Variants in THAP5 observed in about 807,000 individuals in gnomAD.
THAP5 encodes THAP domain containing 5.
A neutral mutation model predicts 34.0 loss-of-function variants in THAP5; 26 were observed. The observed-to-expected ratio is 0.77, with a 90% CI of 0.56 to 1.06. The LOEUF is 1.06. Ranked by LOEUF, THAP5 falls within the 50% of genes least tolerant of loss-of-function variation. The probability of loss-of-function intolerance (pLI) is 0.00; values close to 1 mark genes in which losing one functional copy is unlikely to be tolerated. For missense variants in THAP5, 394 were observed against 452.8 expected, an observed-to-expected ratio of 0.87 and a Z score of 1.18; for synonymous variants, 125 against 153.0, an observed-to-expected ratio of 0.82 and a Z score of 1.35.
downstream of THAP5, among the ~76,000 whole-genome samples, chr7:108,554,153 C>G (rs1864371043): frequency 6.6e-6 from 1 of 152,056 alleles, no homozygotes; most frequent in African/African-American, 2.4e-5. Context: ...GACTTTCTAG[C>G]CTCTAGAACT....
the THAP5 span, among the ~76,000 whole-genome samples, chr7:108,543,799 A>C: frequency 3.3e-5 from 5 of 152,150 alleles, no homozygotes; most frequent in African/African-American, 1.2e-4. Context: ...TGGCATGCAA[A>C]ATTTTGTGGG....
chr7:108,553,212 A>AT (rs898325195), downstream of THAP5, among the ~76,000 whole-genome samples: 453 of 147,458 alleles, frequency 3.1e-3, 1 homozygote, highest in African/African-American at 9.3e-3. Context: ...GCTCTCTTAA[A>AT]TTTTTTTTTT....
At position 108,564,571 on chromosome 7, in the gene THAP5, A is replaced by G. The variant is rs775248402; in HGVS notation, c.808T>C (p.Ser270Pro). 40 of 1,613,776 alleles carry G rather than the reference A, an allele frequency of 2.5e-5. No homozygotes were observed. The highest frequency in any genetic ancestry group is 5.3e-5 in the African/African-American group (4 of 74,920). The change falls in exon 3 of 3, where the codon TCT (serine) becomes CCT (proline). Residue 270 changes from serine (S) to proline (P), a missense_variant. Ser to Pro is a moderately conservative substitution (Grantham distance 74, BLOSUM62 -1). Coordinates refer to ENST00000415914, the MANE Select transcript of THAP5 (RefSeq NM_001130475.3). ...TVEELNTNKE[S>P]VIAIFVPAEN... The stretch of plus-strand genomic sequence containing the variant: ...GCAGGTACAAAAATGGCAATAACAG[A>G]TTCTTTATTTGTGTTTAATTCTTCA...
At chr7:108,549,127 C>CAA in the THAP5 span, among the ~76,000 whole-genome samples, 3 of 125,770 alleles carry the variant, frequency 2.4e-5, no homozygotes, top group Non-Finnish European at 5.2e-5. Context: ...CACACACACA[C>CAA]AAGTACTTTT....
chr7:108,555,702 CTTTT>C (rs11344007), intron 1 of THAP5, among the ~76,000 whole-genome samples: 2 of 128,850 alleles, frequency 1.6e-5, no homozygotes, highest in Admixed American at 8.0e-5. Flanking sequence ...GCACCTTTTT[CTTTT>C]TTTTTTTTTT....
At chr7:108,551,315 G>A (rs1864352247), downstream of THAP5, among the ~76,000 whole-genome samples, 1 of 152,168 alleles carries the variant, frequency 6.6e-6, no homozygotes, top group Admixed American at 6.5e-5. Flanking sequence ...TAGGTCATGA[G>A]AGCTCTGCCA....
At chr7:108,547,123 G>A in the THAP5 span, among the ~76,000 whole-genome samples, 2 of 152,178 alleles carry the variant, frequency 1.3e-5, no homozygotes, top group Admixed American at 1.3e-4. Context: ...CTTATTTAAT[G>A]ACATTCTGGG....
chr7:108,569,455 G>A, intron 1 of THAP5, 35 bp downstream of exon 1: 1 of 1,551,342 alleles, frequency 6.4e-7, no homozygotes. Flanking sequence ...AGGCCTCACG[G>A]CGAGGCTGAC....
Position 108,563,843 on chromosome 7 carries a change from TG to T in THAP5, c.*347del, listed in dbSNP as rs1790413747. On this transcript the variant is annotated 3_prime_UTR_variant, in exon 3 of 3. Coordinates refer to ENST00000415914, the MANE Select transcript of THAP5 (RefSeq NM_001130475.3). ...GACTGAGGCACAATCATAAGTAACT[TG>T]CCCAAGTCATATGCCAGTGGTAGAA... is the stretch of plus-strand genomic sequence containing the variant. The T allele has an allele frequency of 5.9e-6, 1 of 168,138 alleles. No individual in the cohort carries two copies. Among genetic ancestry groups the T allele is most frequent in the South Asian group, 1.9e-4 (1 of 5,362 alleles). The allele number at this position is 168,138 out of a possible 1,614,324, so 10.4% of individuals were successfully genotyped here.
downstream of THAP5, among the ~76,000 whole-genome samples, chr7:108,558,397 A>G (rs1287891902): frequency 5.6e-3 from 736 of 132,198 alleles, 43 homozygotes; most frequent in African/African-American, 0.021. Flanking sequence ...ATATATATAT[A>G]TATATATATA....
Position 108,569,533 on chromosome 7 carries a change from G to C in THAP5, c.37C>G (p.Arg13Gly), listed in dbSNP as rs1350089817. Residue 13 changes from arginine to glycine, a missense_variant, in exon 1 of 3, where the codon CGC (arginine) becomes GGC (glycine). Coordinates refer to ENST00000415914, the MANE Select transcript of THAP5 (RefSeq NM_001130475.3). ...CGGTCTTTATTGTTTCGTCCCCGGC[G>C]GTTCTTACAACAAATCGCTGCGCAA... is the stretch of plus-strand genomic sequence containing the variant. ...RYCAAICCKN[R>G]RGRNNKDRKL... The C allele has an allele frequency of 1.9e-6, 3 of 1,551,776 alleles. No individual in the cohort carries two copies. Among genetic ancestry groups the C allele is most frequent in the East Asian group, 2.4e-5 (1 of 40,922 alleles).
At chr7:108,543,331 G>A in the THAP5 span, among the ~76,000 whole-genome samples, 69 of 152,256 alleles carry the variant, frequency 4.5e-4, no homozygotes, top group Non-Finnish European at 8.8e-4. Flanking sequence ...AAGAATGAGT[G>A]TTGCAAGAGG....
Position 108,564,532 on chromosome 7 carries a change from G to A in THAP5, c.847C>T (p.Pro283Ser), listed in dbSNP as rs1790439533. Residue 283 changes from proline (P) to serine (S), a missense_variant, in exon 3 of 3, where the codon CCC (proline) becomes TCC (serine). By Grantham distance (74) the Pro-to-Ser change is moderately conservative (BLOSUM62 -1). Transcript: ENST00000415914. Reference sequence around the variant, plus strand: ...GCAGATATAAAAGAATTAACTGAGGGTTTAGAATTTTCAGCAGGTACAAAA... The same window carrying A: ...GCAGATATAAAAGAATTAACTGAGGATTTAGAATTTTCAGCAGGTACAAAA... Reference protein sequence around the residue: ...AIFVPAENSKPSVNSFISAQK... With the variant: ...AIFVPAENSKSSVNSFISAQK... 1 of 1,613,840 alleles carries A rather than the reference G, an allele frequency of 6.2e-7. No individual in the cohort carries two copies. Among genetic ancestry groups the A allele is most frequent in the Non-Finnish European group, 8.5e-7 (1 of 1,179,902 alleles).
At chr7:108,550,163 C>T (rs1298887214), downstream of THAP5, among the ~76,000 whole-genome samples, 1 of 152,112 alleles carries the variant, frequency 6.6e-6, no homozygotes, top group Non-Finnish European at 1.5e-5. Context: ...TATACAGAAT[C>T]AATTCTATGT....
In THAP5 at chr7:108,564,213, G is replaced by A. The variant is rs1234667942; in HGVS notation, c.1166C>T (p.Thr389Ile). 6 of 1,597,484 alleles carry A rather than the reference G, an allele frequency of 3.8e-6. No individual in the cohort carries two copies. The South Asian group carries it at 4.5e-5, about 12-fold the overall frequency. ...NVKIIENHFT[T>I]YEVTMI is the part of the protein sequence containing the mutation. ...ATTCTATATCATAGTGACTTCATAT[G>A]TTGTAAAATGGTTTTCTATAATCTT... The change falls in exon 3 of 3, where the codon ACA (threonine) becomes ATA (isoleucine). Residue 389 changes from threonine (T) to isoleucine (I), a missense_variant. Thr to Ile is a moderately conservative substitution (Grantham distance 89). Coordinates refer to ENST00000415914, the MANE Select transcript of THAP5 (RefSeq NM_001130475.3).
the THAP5 span, among the ~76,000 whole-genome samples, chr7:108,545,230 A>T: frequency 6.6e-6 from 1 of 152,234 alleles, no homozygotes; most frequent in Non-Finnish European, 1.5e-5. Context: ...GCATAGCATT[A>T]TTAATATTAC....
the THAP5 span, among the ~76,000 whole-genome samples, chr7:108,548,318 A>G: frequency 1.3e-5 from 2 of 152,216 alleles, no homozygotes; most frequent in South Asian, 4.1e-4. Context: ...CTGACTTTGT[A>G]CTAGGAATTG....
At chr7:108,545,162 C>T in the THAP5 span, among the ~76,000 whole-genome samples, 1 of 152,150 alleles carries the variant, frequency 6.6e-6, no homozygotes, top group East Asian at 1.9e-4. Flanking sequence ...ATGACAAAAA[C>T]AGTTGGATTG....
chr7:108,560,273 T>C (rs1864417121), downstream of THAP5, among the ~76,000 whole-genome samples: 1 of 152,304 alleles, frequency 6.6e-6, no homozygotes, highest in African/African-American at 2.4e-5. Flanking sequence ...AGTTCATATT[T>C]TACAGCAGCA....
Sources: gnomAD v4.1 joint callset for allele counts (sites outside exome capture counted in the v4.1 genomes callset) on GRCh38, gnomAD v4.1.1 for gene constraint, MANE v1.5 for transcripts, NCBI Gene and HGNC (gene_info 2026-07-23, HGNC 2026-07-21) for gene names.